The following MAP7D2 variants were observed in gnomAD, a reference collection of about 807,000 sequenced individuals.
MAP7D2 encodes MAP7 domain containing 2.
Under a neutral mutation model 63.5 loss-of-function variants are expected in MAP7D2, and 33 were observed. The ratio of observed to expected loss-of-function variants is 0.52; its 90% CI spans 0.39 to 0.70. The LOEUF (loss-of-function observed/expected upper bound fraction) is 0.70. MAP7D2 is among the 30% of genes least tolerant of loss of function. The pLI is 0.00. For missense variants in MAP7D2, 626 were observed against 604.0 expected (o/e 1.04, Z -0.38); for synonymous variants, 224 against 223.7 (o/e 1.00, Z -0.01).
chrX:20,077,725 A>G (rs1270963042), intron 1 of MAP7D2, among the ~76,000 whole-genome samples: 1 of 112,240 alleles, frequency 8.9e-6, no homozygotes, highest in East Asian at 2.8e-4. Flanking sequence ...AACCTCAATC[A>G]GGCTACCTTT....
intron 1 of MAP7D2, among the ~76,000 whole-genome samples, chrX:20,073,492 A>C (rs950069597): frequency 3.4e-4 from 37 of 109,365 alleles, no homozygotes; most frequent in Admixed American, 1.4e-3. Context: ...TGCTCATTAA[A>C]TGTTGCTGGC....
intron 1 of MAP7D2, among the ~76,000 whole-genome samples, chrX:20,090,101 G>A (rs1228519788): frequency 2.7e-5 from 3 of 111,800 alleles, no homozygotes; most frequent in African/African-American, 9.8e-5. Context: ...CCTGTGACAC[G>A]ACTTCCAGAA....
At chrX:20,026,058 G>C (rs1442912853) in intron 8 of MAP7D2, 106 bp from the exon 9 acceptor site, 5 of 916,862 alleles carry the variant, frequency 5.5e-6, no homozygotes, top group African/African-American at 2.0e-5. Context: ...CATCCTTCCA[G>C]AGGAAGGAAA....
chrX:20,073,561 G>A (rs777212486), intron 1 of MAP7D2, among the ~76,000 whole-genome samples: 186 of 99,313 alleles, frequency 1.9e-3, no homozygotes, highest in African/African-American at 4.4e-3. Context: ...ATGGAGTCTC[G>A]CTCTGTCACC....
chrX:20,031,539 G>A (rs909046891), intron 8 of MAP7D2, among the ~76,000 whole-genome samples: 7 of 110,374 alleles, frequency 6.3e-5, no homozygotes, highest in Non-Finnish European at 1.3e-4. Flanking sequence ...GGGCGAGGCA[G>A]GCAGATCACT....
At chrX:20,065,285 G>C (rs1254037431) in intron 1 of MAP7D2, among the ~76,000 whole-genome samples, 1 of 36,269 alleles carries the variant, frequency 2.8e-5, no homozygotes, top group Non-Finnish European at 5.2e-5. Context: ...TTTTTTTTTT[G>C]AGACAGAGTC....
At chrX:20,110,635 C>G (rs2066715726) in intron 1 of MAP7D2, among the ~76,000 whole-genome samples, 1 of 101,482 alleles carries the variant, frequency 9.9e-6, no homozygotes, top group African/African-American at 3.7e-5. Flanking sequence ...TGTACTCCAG[C>G]CTGGGTGACA....
intron 4 of MAP7D2, among the ~76,000 whole-genome samples, chrX:20,054,113 C>T (rs981711255): frequency 8.9e-6 from 1 of 112,514 alleles, no homozygotes; most frequent in African/African-American, 3.2e-5. Flanking sequence ...GCTGGGATTA[C>T]AGGCGTGAGC....
chrX:20,055,833 C>G, intron 4 of MAP7D2: 1 of 949,616 alleles, frequency 1.1e-6, no homozygotes, highest in Non-Finnish European at 1.4e-6. Context: ...TCTGATTCAC[C>G]TACACAGCAA....
chrX:20,111,068 T>C (rs2066728799), intron 1 of MAP7D2, among the ~76,000 whole-genome samples: 1 of 111,477 alleles, frequency 9.0e-6, no homozygotes, highest in Non-Finnish European at 1.9e-5. Context: ...TGTTAGAAAG[T>C]CCAGGACAGA....
chrX:20,047,478 T>C (rs1359353927), intron 6 of MAP7D2, among the ~76,000 whole-genome samples: 1 of 110,841 alleles, frequency 9.0e-6, no homozygotes, highest in South Asian at 3.8e-4. Flanking sequence ...AAAAGATTCA[T>C]ACAGCAACTG....
chrX:20,098,661 C>T (rs192806648), intron 1 of MAP7D2, among the ~76,000 whole-genome samples: 32 of 111,606 alleles, frequency 2.9e-4, no homozygotes, highest in South Asian at 3.8e-4. Flanking sequence ...GAATGTTGAG[C>T]GGAGATCCAG....
chrX:20,066,335 C>G (rs2065361976), intron 1 of MAP7D2, among the ~76,000 whole-genome samples: 1 of 111,805 alleles, frequency 8.9e-6, no homozygotes, highest in African/African-American at 3.3e-5. Flanking sequence ...TAAGGAGGTT[C>G]CTGCTGCTGT....
rs2073068556 is a variant in MAP7D2 at position 20,008,350 on chromosome X, C to T, written c.*75G>A. ...GGGTGACAGAAGCTTCTTCAAGCAG[C>T]TAGTAGCTCGGATTTGACTATCAGC... On this transcript the variant is annotated 3_prime_UTR_variant, in exon 17 of 17. Coordinates refer to ENST00000379643, the MANE Select transcript of MAP7D2 (RefSeq NM_001168465.2). 1.8e-5 allele frequency: 2 copies of T among 112,159 alleles called. No homozygotes were observed. Among genetic ancestry groups the T allele is most frequent in the African/African-American group, 6.5e-5 (2 of 30,878 alleles). 9.2% of individuals were successfully genotyped at this position (112,159 alleles called of 1,213,427 possible).
At chrX:20,040,267 T>C (rs12832081) in intron 8 of MAP7D2, among the ~76,000 whole-genome samples, 1 of 111,789 alleles carries the variant, frequency 8.9e-6, no homozygotes, top group Non-Finnish European at 1.9e-5. Context: ...CTTGTGATCG[T>C]GTGAGTTAAT....
intron 11 of MAP7D2, among the ~76,000 whole-genome samples, chrX:20,015,813 T>A (rs1441258781): frequency 1.8e-5 from 2 of 112,176 alleles, no homozygotes. Context: ...ACATTGGCTT[T>A]TCTCCTATTC....
chrX:20,014,883 T>C (rs1397675405), intron 12 of MAP7D2, among the ~76,000 whole-genome samples: 2 of 110,210 alleles, frequency 1.8e-5, no homozygotes, highest in African/African-American at 3.3e-5. Context: ...CACCCAGCTA[T>C]TTTTTGTATT....
chrX:20,099,828 G>C (rs918306314), intron 1 of MAP7D2, among the ~76,000 whole-genome samples: 17 of 112,134 alleles, frequency 1.5e-4, no homozygotes, highest in African/African-American at 5.2e-4. Context: ...TACATATACA[G>C]TGAAGTCATT....
chrX:20,079,804 G>T (rs921016220), intron 1 of MAP7D2, among the ~76,000 whole-genome samples: 3 of 111,177 alleles, frequency 2.7e-5, no homozygotes, highest in African/African-American at 9.8e-5. Context: ...ACAAGTTGGG[G>T]CAGATGACCA....
Sources: gnomAD v4.1 joint callset for allele counts (sites outside exome capture counted in the v4.1 genomes callset) on GRCh38, gnomAD v4.1.1 for gene constraint, MANE v1.5 for transcripts, NCBI Gene and HGNC (gene_info 2026-07-23, HGNC 2026-07-21) for gene names.